Variants in LRP1B observed in about 807,000 individuals in gnomAD.
LRP1B encodes the protein LDL receptor related protein 1B, also known as low-density lipoprotein receptor-related protein 1B.
LRP1B carries 217 observed loss-of-function variants against 556.6 expected under a neutral mutation model. The ratio of observed to expected loss-of-function variants is 0.39; its 90% CI spans 0.35 to 0.44. The LOEUF (loss-of-function observed/expected upper bound fraction) is 0.44, where lower values mean the gene tolerates loss of function less well. Ranked by LOEUF, LRP1B falls within the 20% of genes least tolerant of loss-of-function variation. The probability of loss-of-function intolerance (pLI) is 1.00; values close to 1 mark genes in which losing one functional copy is unlikely to be tolerated. For synonymous variants in LRP1B, 2,047 were observed against 1,865.8 expected (o/e 1.10, Z -2.50); for missense variants, 5,053 against 5,620.8 (o/e 0.90, Z 3.23).
chr2:141,487,315 A>G (rs942671414), intron 2 of LRP1B, among the ~76,000 whole-genome samples: 1 of 152,112 alleles, frequency 6.6e-6, no homozygotes, highest in Non-Finnish European at 1.5e-5. Context: ...CATCTCACCA[A>G]TGCAAACACC....
intron 1 of LRP1B, among the ~76,000 whole-genome samples, chr2:141,987,293 T>G (rs116579283): frequency 0.019 from 2,931 of 152,082 alleles, 61 homozygotes; most frequent in Non-Finnish European, 0.023. Flanking sequence ...ATTCAGGAGT[T>G]TAAAAAAATA....
intron 31 of LRP1B, among the ~76,000 whole-genome samples, chr2:140,826,422 C>T (rs1042498511): frequency 1.3e-5 from 2 of 152,076 alleles, no homozygotes; most frequent in African/African-American, 4.8e-5. Flanking sequence ...GAGACTGACA[C>T]CATCAAAATT....
chr2:141,008,236 T>A (rs976087659), intron 14 of LRP1B, among the ~76,000 whole-genome samples: 1 of 151,420 alleles, frequency 6.6e-6, no homozygotes, highest in Admixed American at 6.6e-5. Flanking sequence ...TTATAAGCAA[T>A]CCCACAGCTA....
chr2:141,185,597 T>C (rs567193834), intron 7 of LRP1B, among the ~76,000 whole-genome samples: 2 of 146,680 alleles, frequency 1.4e-5, no homozygotes, highest in African/African-American at 5.0e-5. Context: ...CTTGGAAGAC[T>C]GGGACTGGAG....
chr2:141,017,411 A>C (rs541022331), intron 12 of LRP1B, among the ~76,000 whole-genome samples: 1,556 of 100,162 alleles, frequency 0.016, 37 homozygotes, highest in African/African-American at 0.048. Context: ...TGATCATGGC[A>C]ACATGTTTTT....
chr2:141,717,718 T>C (rs920778839), intron 2 of LRP1B, among the ~76,000 whole-genome samples: 4 of 152,246 alleles, frequency 2.6e-5, no homozygotes, highest in African/African-American at 9.6e-5. Flanking sequence ...CTGACCTATC[T>C]GTATATCATT....
chr2:140,956,207 A>T (rs1036616570), intron 18 of LRP1B, among the ~76,000 whole-genome samples: 1 of 151,810 alleles, frequency 6.6e-6, no homozygotes, highest in Non-Finnish European at 1.5e-5. Flanking sequence ...GCAATTGTTA[A>T]CACTAACACC....
intron 1 of LRP1B, among the ~76,000 whole-genome samples, chr2:142,107,616 G>GTTTTT (rs112509749): frequency 0.49 from 74,633 of 151,058 alleles, 18,746 homozygotes; most frequent in East Asian, 0.69. Flanking sequence ...TCAATAATGT[G>GTTTTT]TCTTTTGTTT....
chr2:142,051,018 G>C (rs1349007358), intron 1 of LRP1B, among the ~76,000 whole-genome samples: 2 of 152,054 alleles, frequency 1.3e-5, no homozygotes, highest in Non-Finnish European at 2.9e-5. Context: ...CACATAATGG[G>C]GGTGGGAAAG....
At chr2:141,757,697 C>A (rs1161176609) in intron 2 of LRP1B, among the ~76,000 whole-genome samples, 3 of 151,944 alleles carry the variant, frequency 2.0e-5, no homozygotes, top group African/African-American at 4.8e-5. Context: ...ATATGTCCAG[C>A]TAATTTTTAA....
chr2:141,071,643 A>G (rs1050085159), intron 7 of LRP1B, among the ~76,000 whole-genome samples: 3 of 152,192 alleles, frequency 2.0e-5, no homozygotes, highest in Non-Finnish European at 4.4e-5. Context: ...GCTGACAAGA[A>G]ACTTCAGCAA....
At chr2:140,516,171 T>A (rs1233134636) in intron 50 of LRP1B, among the ~76,000 whole-genome samples, 1 of 152,052 alleles carries the variant, frequency 6.6e-6, no homozygotes, top group Admixed American at 6.6e-5. Context: ...AGTACAAAAT[T>A]TCAGGATAAT....
At position 141,136,771 on chromosome 2, in the gene LRP1B, A is replaced by G. The variant is rs531708767; in HGVS notation, c.1013+51650T>C. On this transcript the variant is annotated intron_variant, in intron 7 of 90. Transcript: ENST00000389484. ...AAACTGCCAATTAGGGAGGAGAAAG[A>G]TATATGGGTTGAAGCGTGAATTTGA... is the stretch of plus-strand genomic sequence containing the variant. Among the ~76,000 whole-genome samples, 38 of 151,936 alleles carry G rather than the reference A, an allele frequency of 2.5e-4. No individual in the cohort carries two copies. The South Asian group carries it at 7.5e-3, about 30-fold the overall frequency.
intron 1 of LRP1B, among the ~76,000 whole-genome samples, chr2:142,015,911 T>C (rs2105164807): frequency 7.3e-6 from 1 of 137,752 alleles, no homozygotes; most frequent in Non-Finnish European, 1.5e-5. Flanking sequence ...AGAATGGCGA[T>C]AGCCCGGGAG....
At chr2:140,390,295 A>T (rs1683958615) in intron 66 of LRP1B, among the ~76,000 whole-genome samples, 1 of 152,236 alleles carries the variant, frequency 6.6e-6, no homozygotes, top group East Asian at 1.9e-4. Flanking sequence ...AATGAATTAA[A>T]AAATAAGTAA....
intron 45 of LRP1B, among the ~76,000 whole-genome samples, chr2:140,540,373 C>A (rs1335347817): frequency 6.6e-6 from 1 of 151,962 alleles, no homozygotes; most frequent in African/African-American, 2.4e-5. Flanking sequence ...AACACTTGAA[C>A]CCTGATTTAT....
At chr2:141,532,384 C>T (rs1684916033) in intron 2 of LRP1B, among the ~76,000 whole-genome samples, 1 of 151,872 alleles carries the variant, frequency 6.6e-6, no homozygotes, top group African/African-American at 2.4e-5. Flanking sequence ...TATTACTGAA[C>T]AAACATGTCC....
chr2:140,898,479 C>T (rs1181164853), intron 23 of LRP1B: 1 of 214,660 alleles, frequency 4.7e-6, no homozygotes, highest in African/African-American at 2.3e-5. Flanking sequence ...CTGGTGTCTC[C>T]CAGTTTAAGG....
At chr2:140,664,502 G>A (rs533584563) in intron 41 of LRP1B, among the ~76,000 whole-genome samples, 130 of 151,874 alleles carry the variant, frequency 8.6e-4, no homozygotes, top group African/African-American at 2.8e-3. Flanking sequence ...AGAAATCAAT[G>A]GAAAATAATT....
Sources: gnomAD v4.1 joint callset for allele counts (sites outside exome capture counted in the v4.1 genomes callset) on GRCh38, gnomAD v4.1.1 for gene constraint, MANE v1.5 for transcripts, NCBI Gene and HGNC (gene_info 2026-07-23, HGNC 2026-07-21) for gene names.